ABHD17B: variants seen among roughly 807,000 people sequenced by gnomAD.
ABHD17B encodes the protein abhydrolase domain containing 17B, depalmitoylase.
ABHD17B carries 9 observed loss-of-function variants against 26.2 expected under a neutral mutation model. That is an observed-to-expected ratio of 0.34 (90% CI 0.21 to 0.60). The LOEUF is 0.60. Ranked by LOEUF, ABHD17B falls within the 20% of genes least tolerant of loss-of-function variation. The probability of loss-of-function intolerance (pLI) is 0.80; values close to 1 mark genes in which losing one functional copy is unlikely to be tolerated. For synonymous variants in ABHD17B, 127 were observed against 122.3 expected (o/e 1.04, Z -0.25); for missense variants, 224 against 352.1 (o/e 0.64, Z 2.91).
intron 1 of ABHD17B, among the ~76,000 whole-genome samples, chr9:71,893,535 C>A (rs1433031988): frequency 6.6e-6 from 1 of 152,188 alleles, no homozygotes; most frequent in African/African-American, 2.4e-5. Flanking sequence ...GGGGATGCCA[C>A]CCTCCATGTG....
intron 1 of ABHD17B, among the ~76,000 whole-genome samples, chr9:71,898,189 G>C (rs924077830): frequency 6.6e-6 from 1 of 152,152 alleles, no homozygotes; most frequent in Non-Finnish European, 1.5e-5. Context: ...GAAGACAGCA[G>C]AGATCAAGAA....
chr9:71,880,940 T>TA (rs1314120699), intron 1 of ABHD17B, among the ~76,000 whole-genome samples: 3 of 151,010 alleles, frequency 2.0e-5, no homozygotes, highest in African/African-American at 4.8e-5. Context: ...CTATAGAAAA[T>TA]AAAAAAATAA....
intron 1 of ABHD17B, among the ~76,000 whole-genome samples, chr9:71,883,468 T>C (rs1826510929): frequency 6.6e-6 from 1 of 152,192 alleles, no homozygotes; most frequent in African/African-American, 2.4e-5. Context: ...CTTTAGTAGA[T>C]TGTGCTGGGA....
chr9:71,863,106 A>T (rs1005916413), downstream of ABHD17B, among the ~76,000 whole-genome samples: 1 of 152,178 alleles, frequency 6.6e-6, no homozygotes, highest in African/African-American at 2.4e-5. Flanking sequence ...CTAGTTCATG[A>T]AAGTTCTTCT....
chr9:71,906,034 G>C (rs564651539), intron 1 of ABHD17B, among the ~76,000 whole-genome samples: 1 of 152,128 alleles, frequency 6.6e-6, no homozygotes, highest in African/African-American at 2.4e-5. Flanking sequence ...GGGCAACAGA[G>C]TGAGAATCTG....
At chr9:71,899,431 A>G (rs1460420600) in intron 1 of ABHD17B, among the ~76,000 whole-genome samples, 2 of 152,204 alleles carry the variant, frequency 1.3e-5, no homozygotes, top group African/African-American at 4.8e-5. Context: ...CTTTGTGATA[A>G]GGAAGAAAGC....
chr9:71,883,919 A>G (rs1336088308), intron 1 of ABHD17B, among the ~76,000 whole-genome samples: 1 of 152,154 alleles, frequency 6.6e-6, no homozygotes, highest in Non-Finnish European at 1.5e-5. Context: ...CTTGGGTGAC[A>G]GAGCAAGACT....
At chr9:71,897,170 A>C (rs1304191374) in intron 1 of ABHD17B, among the ~76,000 whole-genome samples, 2 of 152,240 alleles carry the variant, frequency 1.3e-5, no homozygotes. Context: ...AAACTAATTA[A>C]TAACAGTTGG....
At chr9:71,879,481 T>C (rs1826377949) in intron 1 of ABHD17B, among the ~76,000 whole-genome samples, 1 of 152,172 alleles carries the variant, frequency 6.6e-6, no homozygotes, top group Non-Finnish European at 1.5e-5. Flanking sequence ...TGACTCTTAA[T>C]AAGTCAGATA....
chr9:71,910,332 G>T (rs1392997505), intron 1 of ABHD17B, among the ~76,000 whole-genome samples: 1 of 152,160 alleles, frequency 6.6e-6, no homozygotes, highest in Non-Finnish European at 1.5e-5. Context: ...TTCTTAGAGT[G>T]TCGGTCGGTC....
At chr9:71,885,692 C>T (rs967710145) in intron 1 of ABHD17B, among the ~76,000 whole-genome samples, 1 of 151,998 alleles carries the variant, frequency 6.6e-6, no homozygotes, top group Non-Finnish European at 1.5e-5. Flanking sequence ...AACAGGAAGA[C>T]TAATGTAAAA....
In ABHD17B at chr9:71,870,270, G is replaced by C; in HGVS notation, c.468-8C>G. The C allele has an allele frequency of 6.4e-7, 1 of 1,557,696 alleles. No individual in the cohort carries two copies. The highest frequency in any genetic ancestry group is 8.7e-7 in the Non-Finnish European group (1 of 1,155,548). ...TCAGGGCGAATGCCATATCTACAAA[G>C]TTCAGGCGTTAAAAACAAAAACCAA... On this transcript the variant is annotated splice_polypyrimidine_tract_variant and splice_region_variant and intron_variant, in intron 2 of 3. Coordinates refer to ENST00000333421, the MANE Select transcript of ABHD17B (RefSeq NM_001025780.3).
At chr9:71,878,830 T>G (rs1035502083) in intron 1 of ABHD17B, among the ~76,000 whole-genome samples, 1 of 151,934 alleles carries the variant, frequency 6.6e-6, no homozygotes, top group Admixed American at 6.6e-5. Flanking sequence ...AAGTCTCTCT[T>G]TGAAAAACTC....
rs1825972560 is a variant in ABHD17B at position 71,866,934 on chromosome 9, A to G, written c.720T>C (p.Phe240=). 1 of 1,614,102 alleles carries G rather than the reference A, an allele frequency of 6.2e-7. No individual in the cohort carries two copies. The highest frequency in any genetic ancestry group is 8.5e-7 in the Non-Finnish European group (1 of 1,180,048). ...GTTCAAACAATGCGAGGCCATGTGAAAAGTCAATGACTTCATCTTCAGTCC... is the reference window on the plus strand; with the variant it reads ...GTTCAAACAATGCGAGGCCATGTGAGAAGTCAATGACTTCATCTTCAGTCC... ...IHGTEDEVID[F]SHGLALFERC... Residue 240 remains phenylalanine, a synonymous_variant, in exon 4 of 4, where the codon TTT becomes TTC. Transcript: ENST00000333421.
chr9:71,909,630 A>T, intron 1 of ABHD17B, among the ~76,000 whole-genome samples: 1 of 152,340 alleles, frequency 6.6e-6, no homozygotes, highest in East Asian at 1.9e-4. Context: ...CAAGATCTCC[A>T]AAGATTTATT....
intron 1 of ABHD17B, among the ~76,000 whole-genome samples, chr9:71,895,418 T>C (rs1320703065): frequency 6.6e-6 from 1 of 152,194 alleles, no homozygotes; most frequent in African/African-American, 2.4e-5. Context: ...CTAAAGACTA[T>C]GTCCTGGCCA....
At chr9:71,862,670 C>A, downstream of ABHD17B, 1 of 758,592 alleles carries the variant, frequency 1.3e-6, no homozygotes, top group South Asian at 1.5e-5. Context: ...GTTTATGTGG[C>A]TTTCCATAAC....
downstream of ABHD17B, chr9:71,865,086 G>A (rs781761190): frequency 3.4e-5 from 31 of 901,516 alleles, 1 homozygote; most frequent in African/African-American, 4.7e-4. Flanking sequence ...AAAAACGAAG[G>A]GTAATTTTTT....
At chr9:71,903,075 A>T (rs1827189050) in intron 1 of ABHD17B, among the ~76,000 whole-genome samples, 1 of 152,174 alleles carries the variant, frequency 6.6e-6, no homozygotes, top group South Asian at 2.1e-4. Flanking sequence ...TACCCTTTTA[A>T]TGTGACTACA....
Sources: gnomAD v4.1 joint callset for allele counts (sites outside exome capture counted in the v4.1 genomes callset) on GRCh38, gnomAD v4.1.1 for gene constraint, MANE v1.5 for transcripts, NCBI Gene and HGNC (gene_info 2026-07-23, HGNC 2026-07-21) for gene names.